Variants in DNAH14 observed in about 807,000 individuals in gnomAD.
DNAH14 encodes dynein axonemal heavy chain 14.
DNAH14 carries 478 observed loss-of-function variants against 520.9 expected under a neutral mutation model. The ratio of observed to expected loss-of-function variants is 0.92; its 90% CI spans 0.85 to 0.99. The LOEUF is 0.99. Ranked by LOEUF, DNAH14 falls within the 50% of genes least tolerant of loss-of-function variation. The probability of loss-of-function intolerance (pLI) is 0.00; values close to 1 mark genes in which losing one functional copy is unlikely to be tolerated. For missense variants in DNAH14, 4,831 were observed against 5,234.5 expected (o/e 0.92, Z 2.38); for synonymous variants, 1,581 against 1,757.2 (o/e 0.90, Z 2.51).
chr1:225,381,562 G>A lies in DNAH14; in HGVS notation c.13060G>A (p.Val4354Met). 1.3e-6 allele frequency: 2 copies of A among 1,520,520 alleles called. No individual in the cohort carries two copies. The highest frequency in any genetic ancestry group is 2.6e-5 in the South Asian group (2 of 78,230). The allele number at this position is 1,520,520 out of a possible 1,614,324, so 94.2% of individuals were successfully genotyped here. A position where few individuals can be genotyped will look rare whatever the true frequency, so the allele number is the denominator to read the frequency against. ...EIFNSFLNMR[V>M]PTLWQKHAYR... is the part of the protein sequence containing the mutation. ...ATTTAACTCTTTTCTTAATATGAGA[G>A]TGCCTACATTGTGGCAGGTAAGCAA... The change falls in exon 81 of 86, where the codon GTG (valine) becomes ATG (methionine). Residue 4354 changes from valine to methionine, a missense_variant. Transcript: ENST00000682510.
At chr1:225,037,194 G>T (rs559559823) in intron 11 of DNAH14, among the ~76,000 whole-genome samples, 2 of 152,150 alleles carry the variant, frequency 1.3e-5, no homozygotes, top group African/African-American at 4.8e-5. Context: ...CTTTTGATTA[G>T]AGAATTTGGT....
chr1:225,064,428 A>G (rs1388186949), intron 17 of DNAH14, among the ~76,000 whole-genome samples: 2 of 152,050 alleles, frequency 1.3e-5, no homozygotes, highest in African/African-American at 4.8e-5. Context: ...TCACCCATTA[A>G]AAATGAAAAC....
In DNAH14 at chr1:225,360,711, T is replaced by C. The variant is rs568402262; in HGVS notation, c.11807T>C (p.Phe3936Ser). The C allele has an allele frequency of 6.4e-7, 1 of 1,551,740 alleles. No individual in the cohort carries two copies. Among genetic ancestry groups the C allele is most frequent in the Non-Finnish European group, 8.7e-7 (1 of 1,146,992 alleles). ...GACCTTACCAATATCCTCCTGAGATTTGCACAAGAGTTAAAAGGAACAACA... is the reference window on the plus strand; with the variant it reads ...GACCTTACCAATATCCTCCTGAGATCTGCACAAGAGTTAAAAGGAACAACA... Reference protein sequence around the residue: ...GIDLTNILLRFAQELKGTTHH... With the variant: ...GIDLTNILLRSAQELKGTTHH... The change falls in exon 75 of 86, where the codon TTT (phenylalanine) becomes TCT (serine). Residue 3936 changes from phenylalanine (F) to serine (S), a missense_variant. Transcript: ENST00000682510.
intron 41 of DNAH14, among the ~76,000 whole-genome samples, chr1:225,229,236 C>T (rs531967608): frequency 5.3e-5 from 8 of 152,238 alleles, no homozygotes; most frequent in South Asian, 2.1e-4. Context: ...TTCTTTCATC[C>T]GTCGCTCAAC....
intron 53 of DNAH14, among the ~76,000 whole-genome samples, chr1:225,276,975 A>AAGGAAGGG (rs2093486157): frequency 4.9e-5 from 3 of 61,440 alleles, no homozygotes; most frequent in African/African-American, 2.5e-4. Context: ...GGAAGGAAGG[A>AAGGAAGGG]AGGAAGGAAG....
chr1:224,930,753 A>T (rs1452943244), intron 1 of DNAH14, among the ~76,000 whole-genome samples: 2 of 152,136 alleles, frequency 1.3e-5, no homozygotes, highest in East Asian at 1.9e-4. Context: ...GTCCTCCACC[A>T]TGCCCGGCTA....
In DNAH14 at chr1:225,299,137, G is replaced by A. The variant is rs534140091; in HGVS notation, c.8470-1732G>A. Among the ~76,000 whole-genome samples the A allele has an allele frequency of 7.2e-5, 11 of 152,306 alleles. 1 individual carries two copies. The South Asian group carries it at 1.5e-3, about 20-fold the overall frequency. On this transcript the variant is annotated intron_variant, in intron 55 of 85. Coordinates refer to ENST00000682510, the MANE Select transcript of DNAH14 (RefSeq NM_001367479.1). Reference sequence around the variant, plus strand: ...CTTCTAGCCAGCCATCTGGCCAGTCGCCAGGCCCAGAATATACTATATTTA... The same window carrying A: ...CTTCTAGCCAGCCATCTGGCCAGTCACCAGGCCCAGAATATACTATATTTA...
chr1:225,094,706 T>C (rs903386227), intron 21 of DNAH14, among the ~76,000 whole-genome samples: 27 of 122,336 alleles, frequency 2.2e-4, no homozygotes, highest in Non-Finnish European at 3.6e-4. Context: ...AAAAAAACGC[T>C]ATCAACAGAG....
At chr1:224,959,411 TA>T (rs2125548342) in intron 3 of DNAH14, among the ~76,000 whole-genome samples, 1 of 152,276 alleles carries the variant, frequency 6.6e-6, no homozygotes, top group Non-Finnish European at 1.5e-5. Flanking sequence ...TTGGTTGAAA[TA>T]AAACTTACTG....
intron 21 of DNAH14, among the ~76,000 whole-genome samples, chr1:225,095,903 A>T (rs1406647462): frequency 2.0e-5 from 3 of 152,184 alleles, no homozygotes; most frequent in Non-Finnish European, 2.9e-5. Context: ...TATGTTTGTT[A>T]TCTTGATTGT....
At chr1:225,061,653 T>A (rs1480037285) in intron 17 of DNAH14, among the ~76,000 whole-genome samples, 2 of 152,132 alleles carry the variant, frequency 1.3e-5, no homozygotes, top group Non-Finnish European at 2.9e-5. Flanking sequence ...CCATCTTGGA[T>A]CCTAGATTAT....
chr1:225,127,443 A>G (rs910898368), intron 27 of DNAH14, among the ~76,000 whole-genome samples: 13 of 152,010 alleles, frequency 8.6e-5, no homozygotes, highest in Non-Finnish European at 1.6e-4. Flanking sequence ...TGTTGAATTG[A>G]TCCCTTTACC....
chr1:224,970,210 T>C (rs776200452), intron 7 of DNAH14, among the ~76,000 whole-genome samples: 3 of 152,124 alleles, frequency 2.0e-5, no homozygotes, highest in Admixed American at 6.6e-5. Flanking sequence ...TGGTCAAAGC[T>C]GTAGGGATGA....
intron 43 of DNAH14, among the ~76,000 whole-genome samples, chr1:225,246,350 A>C (rs1182928717): frequency 6.6e-6 from 1 of 152,208 alleles, no homozygotes; most frequent in Non-Finnish European, 1.5e-5. Context: ...CACCAAAAGC[A>C]GTTGCAACAA....
chr1:225,168,678 G>A (rs556870080), intron 36 of DNAH14, among the ~76,000 whole-genome samples: 11 of 152,326 alleles, frequency 7.2e-5, no homozygotes, highest in South Asian at 2.1e-4. Flanking sequence ...GGAGCCCACC[G>A]CAGCTCAAGG....
At chr1:225,042,421 A>C (rs1026854331) in intron 12 of DNAH14, among the ~76,000 whole-genome samples, 2 of 152,130 alleles carry the variant, frequency 1.3e-5, no homozygotes, top group African/African-American at 4.8e-5. Context: ...AGTGGGTTTA[A>C]AGTATGTTTT....
intron 36 of DNAH14, among the ~76,000 whole-genome samples, chr1:225,169,991 A>T (rs528824869): frequency 1.7e-4 from 26 of 152,346 alleles, no homozygotes; most frequent in African/African-American, 6.0e-4. Flanking sequence ...AAGAATTTTC[A>T]ACCCAGAATT....
chr1:225,210,772 G>A (rs549671846), intron 41 of DNAH14, among the ~76,000 whole-genome samples: 1 of 152,186 alleles, frequency 6.6e-6, no homozygotes, highest in Admixed American at 6.5e-5. Flanking sequence ...CATCTGGTGG[G>A]TGCCCCTGTG....
At chr1:225,211,688 T>A (rs2088439601) in intron 41 of DNAH14, among the ~76,000 whole-genome samples, 1 of 151,598 alleles carries the variant, frequency 6.6e-6, no homozygotes, top group Non-Finnish European at 1.5e-5. Flanking sequence ...CCAAGACACA[T>A]AATTGTCAGA....
Sources: allele counts gnomAD v4.1 joint callset (sites outside exome capture counted in the v4.1 genomes callset), GRCh38; gene constraint gnomAD v4.1.1; transcripts MANE v1.5; gene names NCBI Gene and HGNC (gene_info 2026-07-23, HGNC 2026-07-21).